Variants in STPG2 observed in about 807,000 individuals in gnomAD.
STPG2 encodes sperm-tail PG-rich repeat-containing protein 2.
In STPG2, 56 loss-of-function variants were observed where a neutral mutation model predicts 54.2. That is an observed-to-expected ratio of 1.03 (90% CI 0.83 to 1.29). STPG2 has a LOEUF of 1.29. STPG2 is among the 50% of genes most tolerant of loss of function. The pLI is 0.00. For synonymous variants in STPG2, 200 were observed against 181.8 expected, an observed-to-expected ratio of 1.10 and a Z score of -0.81; for missense variants, 596 against 544.9, an observed-to-expected ratio of 1.09 and a Z score of -0.93.
intron 10 of STPG2, among the ~76,000 whole-genome samples, chr4:97,678,930 C>T (rs2148976692): frequency 6.6e-6 from 1 of 152,170 alleles, no homozygotes; most frequent in South Asian, 2.1e-4. Context: ...CCAATTTCAT[C>T]CATGTCCCTA....
At chr4:97,553,872 C>T (rs909537303), downstream of STPG2, among the ~76,000 whole-genome samples, 1 of 152,152 alleles carries the variant, frequency 6.6e-6, no homozygotes, top group African/African-American at 2.4e-5. Flanking sequence ...CAATGATAAG[C>T]TGTTTTTCTC....
At chr4:97,889,682 GA>G (rs1730697250) in intron 8 of STPG2, among the ~76,000 whole-genome samples, 1 of 152,146 alleles carries the variant, frequency 6.6e-6, no homozygotes, top group Non-Finnish European at 1.5e-5. Flanking sequence ...AAGTTTGGGG[GA>G]AAGAGAGTTT....
chr4:97,562,511 T>C (rs1732282806), intron 10 of STPG2, among the ~76,000 whole-genome samples: 1 of 152,174 alleles, frequency 6.6e-6, no homozygotes, highest in Admixed American at 6.5e-5. Context: ...GGCATCCCTG[T>C]CTTGTGCCAG....
At chr4:97,856,812 C>T (rs1353417203) in intron 8 of STPG2, among the ~76,000 whole-genome samples, 1 of 152,020 alleles carries the variant, frequency 6.6e-6, no homozygotes, top group Non-Finnish European at 1.5e-5. Flanking sequence ...ACATGGCTCT[C>T]ATTATTTTGA....
intron 4 of STPG2, among the ~76,000 whole-genome samples, chr4:97,455,101 T>A (rs1729482856): frequency 6.6e-6 from 1 of 151,644 alleles, no homozygotes; most frequent in South Asian, 2.1e-4. Context: ...TCACAAAAAA[T>A]AGCTCAAAAG....
chr4:97,492,335 C>A (rs550086409), intron 4 of STPG2, among the ~76,000 whole-genome samples: 90 of 151,428 alleles, frequency 5.9e-4, no homozygotes, highest in Non-Finnish European at 1.1e-3. Flanking sequence ...GAATGTCTTT[C>A]ATGGGGACCT....
chr4:97,832,387 T>C (rs75519477), intron 9 of STPG2, among the ~76,000 whole-genome samples: 2,539 of 152,276 alleles, frequency 0.017, 70 homozygotes, highest in African/African-American at 0.058. Context: ...GAGCTCTTTA[T>C]GACCAACCCA....
At chr4:97,955,141 G>T (rs1294737683) in intron 7 of STPG2, among the ~76,000 whole-genome samples, 2 of 151,058 alleles carry the variant, frequency 1.3e-5, no homozygotes, top group Non-Finnish European at 2.9e-5. Flanking sequence ...AAAAAGTAGT[G>T]AATTAAATTA....
chr4:97,985,347 T>C (rs1734798419), intron 5 of STPG2, among the ~76,000 whole-genome samples: 2 of 152,164 alleles, frequency 1.3e-5, no homozygotes, highest in South Asian at 4.1e-4. Context: ...CACTTGGGTA[T>C]CAGAATGTAT....
At chr4:97,572,737 A>G (rs1388258286) in intron 10 of STPG2, 8 of 152,170 alleles carry the variant, frequency 5.3e-5, no homozygotes, top group Non-Finnish European at 7.3e-5. Flanking sequence ...GAAGGTGAAT[A>G]GTACATTTAG....
chr4:97,809,503 A>G (rs548043288), intron 9 of STPG2, among the ~76,000 whole-genome samples: 1 of 152,332 alleles, frequency 6.6e-6, no homozygotes. Context: ...GAACCCTTTA[A>G]AAGCAGAGAA....
chr4:97,668,991 G>C (rs752094299), intron 10 of STPG2, among the ~76,000 whole-genome samples: 2 of 151,996 alleles, frequency 1.3e-5, no homozygotes, highest in Non-Finnish European at 1.5e-5. Context: ...TAAGCAGCAG[G>C]TAAAGAAGAA....
intron 10 of STPG2, among the ~76,000 whole-genome samples, chr4:97,703,062 C>A (rs898492289): frequency 6.6e-6 from 1 of 152,064 alleles, no homozygotes. Flanking sequence ...CAACCAGCTT[C>A]ATTATGTTCC....
intron 9 of STPG2, among the ~76,000 whole-genome samples, chr4:97,785,779 G>A (rs1374878190): frequency 2.0e-5 from 3 of 151,988 alleles, no homozygotes; most frequent in African/African-American, 7.2e-5. Context: ...GCTGCTTAGA[G>A]TTGGAAAGAG....
chr4:97,854,793 G>C (rs1193643709), intron 8 of STPG2, among the ~76,000 whole-genome samples: 1 of 152,052 alleles, frequency 6.6e-6, no homozygotes, highest in Non-Finnish European at 1.5e-5. Context: ...GTGCAGGTTT[G>C]TTACATAGGT....
intron 10 of STPG2, among the ~76,000 whole-genome samples, chr4:97,653,251 T>G (rs1285979258): frequency 1.3e-5 from 2 of 151,922 alleles, no homozygotes; most frequent in Non-Finnish European, 1.5e-5. Flanking sequence ...CAGCACAGAA[T>G]GAGAAAAGAA....
At position 97,972,397 on chromosome 4, in the gene STPG2, A is replaced by C; in HGVS notation, c.816T>G (p.Ser272Arg). Residue 272 changes from serine (S) to arginine (R), a missense_variant, in exon 7 of 11, where the codon AGT (serine) becomes AGG (arginine). Ser to Arg is a moderately radical substitution (Grantham distance 110). Transcript: ENST00000295268. The part of the protein sequence containing the change: ...YNVLNNTIIA[S>R]VRNICSKKQK... ...GTTTCTTTGAGCAGATATTTCTAAC[A>C]CTGGCAATTATAGTATTGTTCAAGA... is the stretch of plus-strand genomic sequence containing the variant. 1 of 1,604,526 alleles carries C rather than the reference A, an allele frequency of 6.2e-7. No homozygotes were observed. Among genetic ancestry groups the C allele is most frequent in the South Asian group, 1.1e-5 (1 of 89,834 alleles).
chr4:97,930,572 T>A (rs1421660637), intron 8 of STPG2, among the ~76,000 whole-genome samples: 2 of 152,212 alleles, frequency 1.3e-5, no homozygotes, highest in African/African-American at 4.8e-5. Context: ...GCTGTTTTGG[T>A]TACTGCAACC....
intron 2 of STPG2, among the ~76,000 whole-genome samples, chr4:98,128,948 G>A (rs961180570): frequency 3.9e-5 from 6 of 152,014 alleles, no homozygotes; most frequent in African/African-American, 1.5e-4. Flanking sequence ...TGGCCAGGCT[G>A]GTCTCGAACT....
Sources: allele counts gnomAD v4.1 joint callset (sites outside exome capture counted in the v4.1 genomes callset), GRCh38; gene constraint gnomAD v4.1.1; transcripts MANE v1.5; gene names NCBI Gene and HGNC (gene_info 2026-07-23, HGNC 2026-07-21).